The following ATRX variants were observed in gnomAD, a reference collection of about 807,000 sequenced individuals.
The protein encoded by ATRX is chromatin remodeler ATRX.
In ATRX, 12 loss-of-function variants were observed where a neutral mutation model predicts 172.6. That is an observed-to-expected ratio of 0.07 (90% CI 0.04 to 0.11). The LOEUF (loss-of-function observed/expected upper bound fraction) is 0.11, where lower values mean the gene tolerates loss of function less well. Among genes scored for constraint, ATRX ranks in the 10% least tolerant of loss-of-function variants. The pLI is 1.00. For missense variants in ATRX, 1,368 were observed against 1,767.4 expected, an observed-to-expected ratio of 0.77 and a Z score of 4.05; for synonymous variants, 674 against 594.7, an observed-to-expected ratio of 1.13 and a Z score of -1.94.
Position 77,648,827 on chromosome X carries a change from A to T in ATRX, c.4557+3287T>A, listed in dbSNP as rs1362163665. On this transcript the variant is annotated intron_variant, in intron 15 of 34. Coordinates refer to ENST00000373344, the MANE Select transcript of ATRX (RefSeq NM_000489.6). ...TTCCTTAAGTTTGAAATTTACCAAA[A>T]CAGACCTAAAGAAAAAGAAAAGATC... 2.7e-5 allele frequency among the ~76,000 whole-genome samples: 3 copies of T among 111,407 alleles called. No individual in the cohort carries two copies. In the Admixed American group the frequency reaches 2.9e-4, roughly 11 times the overall value.
intron 1 of ATRX, among the ~76,000 whole-genome samples, chrX:77,758,447 C>G (rs1166107732): frequency 9.4e-6 from 1 of 106,140 alleles, no homozygotes; most frequent in Non-Finnish European, 1.9e-5. Context: ...ATCTGACCAT[C>G]CAGAGATAAG....
chrX:77,708,292 G>A lies in ATRX; in HGVS notation c.133+8839C>T, dbSNP rs1439661976. On this transcript the variant is annotated intron_variant, in intron 2 of 34. Coordinates refer to ENST00000373344, the MANE Select transcript of ATRX (RefSeq NM_000489.6). ...TAAGACATGTTACAACAGATATCTT[G>A]AATACATTACGCTAAATGAAAGAAA... 1.2e-4 allele frequency among the ~76,000 whole-genome samples: 13 copies of A among 112,433 alleles called. No individual in the cohort carries two copies. The Admixed American group carries it at 1.2e-3, about 11-fold the overall frequency.
Position 77,585,583 on chromosome X carries a change from CAAAAAAAAAAAAAAAAAAAAAAA to C in ATRX, c.6217+4228_6217+4250del, listed in dbSNP as rs781792876. Reference sequence around the variant, plus strand: ...AGAGCAAGACCTTGTCTCCCCCCACCAAAAAAAAAAAAAAAAAAAAAAAAAAAAAAAAAAAAAAAAGGATCCAG... The same window carrying C: ...AGAGCAAGACCTTGTCTCCCCCCACCAAAAAAAAAAAAAAAAAGGATCCAG... On this transcript the variant is annotated intron_variant, in intron 27 of 34. Coordinates refer to ENST00000373344, the MANE Select transcript of ATRX (RefSeq NM_000489.6). Among the ~76,000 whole-genome samples the C allele has an allele frequency of 1.8e-3, 15 of 8,553 alleles. 2 individuals are homozygous for C. The highest frequency in any genetic ancestry group is 4.7e-3 in the Admixed American group (2 of 422). 7.4% of individuals were successfully genotyped at this position (8,553 alleles called of 115,157 possible).
chrX:77,655,701 A>T (rs1348049401), intron 13 of ATRX, among the ~76,000 whole-genome samples: 1 of 97,921 alleles, frequency 1.0e-5, no homozygotes, highest in East Asian at 3.0e-4. Context: ...ATCTTGGTTT[A>T]AAAAAAAAAA....
At chrX:77,619,956 T>G (rs915680793) in intron 20 of ATRX, among the ~76,000 whole-genome samples, 1 of 111,940 alleles carries the variant, frequency 8.9e-6, no homozygotes, top group Non-Finnish European at 1.9e-5. Context: ...CAAACTGTCC[T>G]GCCATGGATT....
intron 30 of ATRX, among the ~76,000 whole-genome samples, chrX:77,535,889 A>C (rs1405610467): frequency 9.5e-6 from 1 of 104,862 alleles, no homozygotes; most frequent in Non-Finnish European, 1.9e-5. Flanking sequence ...TGCCTGGCTA[A>C]TTTTTTTGTG....
At position 77,700,534 on chromosome X, in the gene ATRX, G is replaced by A. The variant is rs185296237; in HGVS notation, c.134-1905C>T. The stretch of plus-strand genomic sequence containing the variant: ...ACATCCACAAAATAACCTGCATGGA[G>A]ATATTTATAAATGTCTTTATTTTAT... On this transcript the variant is annotated intron_variant, in intron 2 of 34. Coordinates refer to ENST00000373344, the MANE Select transcript of ATRX (RefSeq NM_000489.6). Among the ~76,000 whole-genome samples, 3 of 112,231 alleles carry A rather than the reference G, an allele frequency of 2.7e-5. No homozygotes were observed. In the East Asian group the frequency reaches 8.3e-4, roughly 31 times the overall value.
intron 17 of ATRX, among the ~76,000 whole-genome samples, chrX:77,634,232 TAAAA>T (rs144290953): frequency 9.2e-5 from 5 of 54,066 alleles, no homozygotes; most frequent in African/African-American, 2.3e-4. Flanking sequence ...TTAAAAGTTG[TAAAA>T]AAAAAAAAAA....
rs1350723079 is a variant in ATRX at position 77,577,502 on chromosome X, G to T, written c.6218-3144C>A. ...TTGTAGGAATCCTTTATGTATTTTT[G>T]ATATTAACCCCTTATCAGATGTATG... On this transcript the variant is annotated intron_variant, in intron 27 of 34. Coordinates refer to ENST00000373344, the MANE Select transcript of ATRX (RefSeq NM_000489.6). 2.7e-5 allele frequency among the ~76,000 whole-genome samples: 3 copies of T among 110,426 alleles called. No homozygotes were observed. The East Asian group carries it at 8.5e-4, about 31-fold the overall frequency.
chrX:77,753,970 T>A (rs2075394581), intron 1 of ATRX, among the ~76,000 whole-genome samples: 2 of 111,880 alleles, frequency 1.8e-5, no homozygotes, highest in Non-Finnish European at 3.8e-5. Context: ...TGTGTGGGAA[T>A]CTAAGTCTCT....
intron 30 of ATRX, among the ~76,000 whole-genome samples, chrX:77,548,198 C>T (rs1264783590): frequency 9.0e-6 from 1 of 111,435 alleles, no homozygotes; most frequent in African/African-American, 3.3e-5. Context: ...GCTCTTTTTA[C>T]TTGGCATCAA....
At chrX:77,586,811 T>C (rs2066043768) in intron 27 of ATRX, among the ~76,000 whole-genome samples, 1 of 111,556 alleles carries the variant, frequency 9.0e-6, no homozygotes, top group African/African-American at 3.3e-5. Flanking sequence ...GTAATCCCAG[T>C]GCTTTAAGAG....
intron 30 of ATRX, 127 bp from the exon 31 acceptor site, chrX:77,523,528 T>G (rs2063295565): frequency 3.0e-6 from 2 of 668,251 alleles, no homozygotes; most frequent in Non-Finnish European, 4.4e-6. Flanking sequence ...CTGATATATA[T>G]GACAGATTAC....
At position 77,507,937 on chromosome X, in the gene ATRX, C is replaced by CT. The variant is rs2062744927; in HGVS notation, c.*413dup. On this transcript the variant is annotated 3_prime_UTR_variant, in exon 35 of 35. Transcript: ENST00000373344. ...TATTTCATAACTTGAGGAATCAACTCTAAGAACTCAGCTGTGTGTTTTTAT... is the reference window on the plus strand; with the variant it reads ...TATTTCATAACTTGAGGAATCAACTCTTAAGAACTCAGCTGTGTGTTTTTAT... 5.6e-6 allele frequency: 1 copy of CT among 178,299 alleles called. No homozygotes were observed. The highest frequency in any genetic ancestry group is 7.6e-5 in the Admixed American group (1 of 13,086). 14.7% of individuals were successfully genotyped at this position (178,299 alleles called of 1,213,427 possible).
chrX:77,682,572 A>T lies in ATRX; in HGVS notation c.2684T>A (p.Val895Asp), dbSNP rs2148591298. ...RETFSSAEGT[V>D]DKDTTIMELR... ...TTCCATGATGGTCGTGTCTTTATCA[A>T]CTGTGCCTTCTGCTGAAGAGAAAGT... is the stretch of plus-strand genomic sequence containing the variant. The change falls in exon 9 of 35, where the codon GTT (valine) becomes GAT (aspartate). Residue 895 changes from valine to aspartate, a missense_variant. Transcript: ENST00000373344. The T allele has an allele frequency of 8.3e-7, 1 of 1,210,878 alleles. No individual in the cohort carries two copies.
rs2148591370 is a variant in ATRX at position 77,682,575 on chromosome X, G to A, written c.2681C>T (p.Thr894Ile). The A allele has an allele frequency of 1.7e-6, 2 of 1,210,804 alleles. No homozygotes were observed. The highest frequency in any genetic ancestry group is 2.2e-6 in the Non-Finnish European group (2 of 895,120). The change falls in exon 9 of 35, where the codon ACA (threonine) becomes ATA (isoleucine). Residue 894 changes from threonine to isoleucine, a missense_variant. Thr to Ile is a moderately conservative substitution (Grantham distance 89). Transcript: ENST00000373344. Reference sequence around the variant, plus strand: ...CATGATGGTCGTGTCTTTATCAACTGTGCCTTCTGCTGAAGAGAAAGTCTC... The same window carrying A: ...CATGATGGTCGTGTCTTTATCAACTATGCCTTCTGCTGAAGAGAAAGTCTC... ...ERETFSSAEGTVDKDTTIMEL... is the reference protein window; with the variant it reads ...ERETFSSAEGIVDKDTTIMEL...
At chrX:77,641,407 G>A (rs1420664256) in intron 15 of ATRX, among the ~76,000 whole-genome samples, 4 of 109,171 alleles carry the variant, frequency 3.7e-5, no homozygotes, top group African/African-American at 6.7e-5. Context: ...GTGAAACCTC[G>A]TCTCTACTAA....
intron 26 of ATRX, among the ~76,000 whole-genome samples, chrX:77,590,324 T>C (rs1241494672): frequency 9.0e-6 from 1 of 111,014 alleles, no homozygotes; most frequent in Admixed American, 9.6e-5. Context: ...ACCAATGGTC[T>C]TGGTAGCCGG....
At chrX:77,728,823 G>A (rs1410922215) in intron 1 of ATRX, among the ~76,000 whole-genome samples, 7 of 101,825 alleles carry the variant, frequency 6.9e-5, no homozygotes, top group Non-Finnish European at 1.4e-4. Context: ...GCAGTGGTTC[G>A]ATCTCGGCTC....
Sources: gnomAD v4.1 joint callset for allele counts (sites outside exome capture counted in the v4.1 genomes callset) on GRCh38, gnomAD v4.1.1 for gene constraint, MANE v1.5 for transcripts, NCBI Gene and HGNC (gene_info 2026-07-23, HGNC 2026-07-21) for gene names.